The following BLOC1S5 variants were observed in gnomAD, a reference collection of about 807,000 sequenced individuals.
BLOC1S5 encodes biogenesis of lysosome-related organelles complex 1 subunit 5.
A neutral mutation model predicts 24.3 loss-of-function variants in BLOC1S5; 27 were observed. The ratio of observed to expected loss-of-function variants is 1.11; its 90% CI spans 0.82 to 1.53. The LOEUF is 1.53. Ranked by LOEUF, BLOC1S5 falls within the 40% of genes most tolerant of loss-of-function variation. The pLI is 0.00. For missense variants in BLOC1S5, 239 were observed against 229.4 expected, an observed-to-expected ratio of 1.04 and a Z score of -0.27; for synonymous variants, 84 against 74.5, an observed-to-expected ratio of 1.13 and a Z score of -0.66.
chr6:8,058,879 T>G (rs1231047862), intron 2 of BLOC1S5, among the ~76,000 whole-genome samples: 2 of 152,260 alleles, frequency 1.3e-5, no homozygotes, highest in Non-Finnish European at 2.9e-5. Flanking sequence ...TTCAGATATC[T>G]GTCACTATTA....
intron 3 of BLOC1S5, among the ~76,000 whole-genome samples, chr6:8,036,507 A>C (rs779674506): frequency 6.6e-6 from 1 of 152,158 alleles, no homozygotes; most frequent in South Asian, 2.1e-4. Flanking sequence ...CTAATAATGA[A>C]TAACAAGGTT....
At chr6:8,058,357 GAAAAAAAAAAAAAAAAAA>G (rs60827828) in intron 2 of BLOC1S5, among the ~76,000 whole-genome samples, 184 of 84,598 alleles carry the variant, frequency 2.2e-3, no homozygotes, top group African/African-American at 2.7e-3. Flanking sequence ...CTGTCTCTAT[GAAAAAAAAAAAAAAAAAA>G]AAAAAAAAAA....
At position 8,064,387 on chromosome 6, in the gene BLOC1S5, T is replaced by C. The variant is rs752331481; in HGVS notation, c.-11A>G. ...CCCTCCGCCACTCATCCCGACCAGT[T>C]CCGCCCACCCGCGGCCACGCTGCGC... On this transcript the variant is annotated 5_prime_UTR_variant, in exon 1 of 5. Transcript: ENST00000397457. 3 of 1,603,898 alleles carry C rather than the reference T, an allele frequency of 1.9e-6. No homozygotes were observed. The highest frequency in any genetic ancestry group is 1.3e-5 in the African/African-American group (1 of 74,888).
chr6:8,041,655 C>CTTTGTTTTTTTT (rs111955375), intron 2 of BLOC1S5, among the ~76,000 whole-genome samples: 1 of 111,870 alleles, frequency 8.9e-6, no homozygotes, highest in Non-Finnish European at 1.8e-5. Flanking sequence ...TTCTTTCTTT[C>CTTTGTTTTTTTT]TTTTTTTTTG....
intron 4 of BLOC1S5, among the ~76,000 whole-genome samples, chr6:8,017,255 T>C (rs1762774582): frequency 6.6e-6 from 1 of 152,082 alleles, no homozygotes; most frequent in South Asian, 2.1e-4. Flanking sequence ...AAACAAAAAC[T>C]GGGATATGCA....
At chr6:8,055,372 T>C (rs1428138327) in intron 2 of BLOC1S5, among the ~76,000 whole-genome samples, 2 of 152,074 alleles carry the variant, frequency 1.3e-5, no homozygotes, top group African/African-American at 4.8e-5. Context: ...AAGGTGGAGG[T>C]TGTAGTGAGC....
intron 4 of BLOC1S5, among the ~76,000 whole-genome samples, chr6:8,018,516 C>T (rs1000312636): frequency 5.3e-5 from 8 of 152,194 alleles, no homozygotes; most frequent in Admixed American, 3.9e-4. Context: ...CCAACCAGAA[C>T]GCATTTTATC....
At chr6:8,028,767 C>T (rs1321955216) in intron 3 of BLOC1S5, among the ~76,000 whole-genome samples, 2 of 152,058 alleles carry the variant, frequency 1.3e-5, no homozygotes, top group East Asian at 3.9e-4. Context: ...GGTTTACTTT[C>T]TGAATTTATG....
At chr6:8,022,688 C>T (rs1317200725) in intron 4 of BLOC1S5, among the ~76,000 whole-genome samples, 2 of 141,198 alleles carry the variant, frequency 1.4e-5, no homozygotes, top group Non-Finnish European at 3.0e-5. Flanking sequence ...GGGTTCACGC[C>T]ATTCTCCTGC....
At chr6:8,062,902 C>T (rs1044424594) in intron 1 of BLOC1S5, among the ~76,000 whole-genome samples, 8 of 152,108 alleles carry the variant, frequency 5.3e-5, no homozygotes, top group African/African-American at 1.2e-4. Context: ...GCCATTTATA[C>T]ATATTTATTA....
In BLOC1S5 at chr6:8,015,396, A is replaced by G. The variant is rs1401653973; in HGVS notation, c.*253T>C. 7.2e-6 allele frequency: 3 copies of G among 415,414 alleles called. No individual in the cohort carries two copies. Among genetic ancestry groups the G allele is most frequent in the African/African-American group, 6.0e-5 (3 of 49,746 alleles). The allele number at this position is 415,414 out of a possible 1,614,324, so 25.7% of individuals were successfully genotyped here. On this transcript the variant is annotated 3_prime_UTR_variant, in exon 5 of 5. Transcript: ENST00000397457. ...TGATCAATTCTGACTAACAAAGAGT[A>G]TATTGATTCCATTTTCCTTCCTACT...
chr6:8,020,360 C>CT (rs1182266456), intron 4 of BLOC1S5, among the ~76,000 whole-genome samples: 2 of 152,180 alleles, frequency 1.3e-5, no homozygotes, highest in Admixed American at 1.3e-4. Flanking sequence ...CATCTTGTCG[C>CT]TTTTTTCTCT....
chr6:8,039,911 G>A (rs900388996), intron 3 of BLOC1S5, among the ~76,000 whole-genome samples: 4 of 152,312 alleles, frequency 2.6e-5, no homozygotes, highest in East Asian at 3.9e-4. Flanking sequence ...GCGTGATTCT[G>A]TATAAGCTCA....
chr6:8,051,802 C>T (rs1289851192), intron 2 of BLOC1S5, among the ~76,000 whole-genome samples: 1 of 152,170 alleles, frequency 6.6e-6, no homozygotes, highest in Non-Finnish European at 1.5e-5. Context: ...GATGACAGCA[C>T]ATCTGTTTAC....
intron 3 of BLOC1S5, among the ~76,000 whole-genome samples, chr6:8,038,541 G>A (rs563393252): frequency 2.6e-5 from 4 of 152,214 alleles, no homozygotes; most frequent in Admixed American, 2.0e-4. Context: ...CTGGAGTGCC[G>A]TGGCGCTATC....
intron 4 of BLOC1S5, among the ~76,000 whole-genome samples, chr6:8,018,577 G>A (rs890994918): frequency 1.3e-5 from 2 of 152,102 alleles, no homozygotes; most frequent in African/African-American, 4.8e-5. Flanking sequence ...TACCAACCTC[G>A]CTTCAAATTC....
At chr6:8,047,805 C>T (rs1337508458) in intron 2 of BLOC1S5, among the ~76,000 whole-genome samples, 1 of 152,152 alleles carries the variant, frequency 6.6e-6, no homozygotes, top group Non-Finnish European at 1.5e-5. Context: ...AAGAATTTTT[C>T]AGACATGGGT....
At chr6:8,053,237 GAAGA>G (rs1764188598) in intron 2 of BLOC1S5, among the ~76,000 whole-genome samples, 1 of 152,214 alleles carries the variant, frequency 6.6e-6, no homozygotes. Context: ...CAGGGTTTGA[GAAGA>G]ATGAAATTTC....
At chr6:8,025,470 G>A (rs1763072145) in intron 4 of BLOC1S5, among the ~76,000 whole-genome samples, 2 of 152,172 alleles carry the variant, frequency 1.3e-5, no homozygotes, top group Admixed American at 6.5e-5. Flanking sequence ...GGCCTGCGGG[G>A]TCCCACTATC....
Sources: gnomAD v4.1 joint callset for allele counts (sites outside exome capture counted in the v4.1 genomes callset) on GRCh38, gnomAD v4.1.1 for gene constraint, MANE v1.5 for transcripts, NCBI Gene and HGNC (gene_info 2026-07-23, HGNC 2026-07-21) for gene names.